RGS6: variants seen among roughly 807,000 people sequenced by gnomAD.
The protein encoded by RGS6 is regulator of G protein signaling 6.
In RGS6, 30 loss-of-function variants were observed where a neutral mutation model predicts 78.5. The ratio of observed to expected loss-of-function variants is 0.38; its 90% CI spans 0.29 to 0.52. The LOEUF is 0.52. Among genes scored for constraint, RGS6 ranks in the 20% least tolerant of loss-of-function variants. The pLI, the probability that RGS6 is intolerant of heterozygous loss-of-function variation, is 0.85. For missense variants in RGS6, 495 were observed against 609.7 expected, an observed-to-expected ratio of 0.81 and a Z score of 1.98; for synonymous variants, 206 against 206.0, an observed-to-expected ratio of 1.00 and a Z score of 0.00.
chr14:72,160,405 G>A (rs370790200), intron 2 of RGS6, among the ~76,000 whole-genome samples: 200 of 152,278 alleles, frequency 1.3e-3, no homozygotes, highest in Admixed American at 2.2e-3. Flanking sequence ...GATCTTTGTC[G>A]TTTAATTGCG....
chr14:72,204,518 A>G (rs980020397), intron 2 of RGS6, among the ~76,000 whole-genome samples: 11 of 152,192 alleles, frequency 7.2e-5, no homozygotes, highest in African/African-American at 2.4e-4. Context: ...ACAAAATACC[A>G]TAAACTGGGT....
chr14:71,914,082 G>C, the RGS6 span, among the ~76,000 whole-genome samples: 1 of 152,146 alleles, frequency 6.6e-6, no homozygotes, highest in East Asian at 1.9e-4. Flanking sequence ...GGCAGGCTTT[G>C]GGCATTACAT....
chr14:72,272,675 A>G lies in RGS6; in HGVS notation c.85-79420A>G, dbSNP rs545414258. On this transcript the variant is annotated intron_variant, in intron 2 of 17. Transcript: ENST00000553525. The stretch of plus-strand genomic sequence containing the variant: ...GCCCAGCCCCATCATCCTGTCCTTG[A>G]TCATTGTAATGCAGTGTTCACTACC... Among the ~76,000 whole-genome samples the G allele has an allele frequency of 1.7e-4, 26 of 152,302 alleles. No individual in the cohort carries two copies. In the South Asian group the frequency reaches 5.4e-3, roughly 32 times the overall value.
At chr14:72,314,663 C>T (rs1335259258) in intron 2 of RGS6, among the ~76,000 whole-genome samples, 1 of 152,192 alleles carries the variant, frequency 6.6e-6, no homozygotes, top group Non-Finnish European at 1.5e-5. Context: ...AGAGATTTTG[C>T]CATTCTGCCA....
At chr14:72,624,220 C>T in the RGS6 span, among the ~76,000 whole-genome samples, 1 of 151,652 alleles carries the variant, frequency 6.6e-6, no homozygotes. Flanking sequence ...CTAATATTAA[C>T]ATATTATATT....
At chr14:72,547,376 C>CA in intron 17 of RGS6, 2 of 1,433,526 alleles carry the variant, frequency 1.4e-6, no homozygotes, top group Non-Finnish European at 1.9e-6. Flanking sequence ...AAGTAAGACC[C>CA]CCCCCCGACC....
rs144212011 is a variant in RGS6 at position 72,440,091 on chromosome 14, C to A, written c.185-14437C>A. Among the ~76,000 whole-genome samples the A allele has an allele frequency of 5.8e-3, 877 of 152,328 alleles. 3 individuals are homozygous for A. The highest frequency in any genetic ancestry group is 0.017 in the Middle Eastern group (5 of 294). On this transcript the variant is annotated intron_variant, in intron 3 of 17. Transcript: ENST00000553525. ...GTGATGCTGCTTTCTACAAATGTGT[C>A]TATTTGTGGTGACAGCACTTGCGCT...
At chr14:72,198,040 T>G (rs1469191847) in intron 2 of RGS6, among the ~76,000 whole-genome samples, 1 of 152,200 alleles carries the variant, frequency 6.6e-6, no homozygotes, top group Non-Finnish European at 1.5e-5. Flanking sequence ...TCCATAAGAA[T>G]AAGTACTTGT....
downstream of RGS6, among the ~76,000 whole-genome samples, chr14:72,571,284 T>C (rs917668728): frequency 1.3e-5 from 2 of 152,248 alleles, no homozygotes; most frequent in African/African-American, 2.4e-5. Flanking sequence ...ACTCCTGGTC[T>C]TATGCTTACC....
At chr14:72,078,487 C>T (rs1292181219) in intron 2 of RGS6, among the ~76,000 whole-genome samples, 1 of 152,074 alleles carries the variant, frequency 6.6e-6, no homozygotes. Context: ...CATCTCAGCT[C>T]ACTGCAACCT....
chr14:72,152,324 A>G (rs2096706699), intron 2 of RGS6, among the ~76,000 whole-genome samples: 1 of 152,002 alleles, frequency 6.6e-6, no homozygotes, highest in East Asian at 1.9e-4. Flanking sequence ...TAGAAGTTAT[A>G]AGGAGATAAA....
chr14:71,987,334 G>A (rs145162548), intron 2 of RGS6, among the ~76,000 whole-genome samples: 14 of 152,166 alleles, frequency 9.2e-5, no homozygotes, highest in African/African-American at 3.4e-4. Flanking sequence ...CTGGCAGTGA[G>A]GATGGGAGGG....
intron 2 of RGS6, among the ~76,000 whole-genome samples, chr14:72,016,704 C>G (rs1339343273): frequency 6.6e-6 from 1 of 152,136 alleles, no homozygotes; most frequent in Non-Finnish European, 1.5e-5. Flanking sequence ...CTGGCTCTAC[C>G]CTATTTTAAT....
intron 2 of RGS6, among the ~76,000 whole-genome samples, chr14:72,305,102 C>A (rs1345147398): frequency 6.6e-6 from 1 of 152,162 alleles, no homozygotes; most frequent in Non-Finnish European, 1.5e-5. Context: ...AGTGTCTTTT[C>A]ATATGCTTAC....
chr14:71,906,791 G>GCATATGCTGAAAAGCATAATAATTTTTA, the RGS6 span, among the ~76,000 whole-genome samples: 1 of 151,868 alleles, frequency 6.6e-6, no homozygotes. Context: ...GGTCAGATCA[G>GCATATGCTGAAAAGCATAATAATTTTTA]TTTATGCTGA....
At chr14:72,504,503 T>C (rs947531756) in intron 13 of RGS6, among the ~76,000 whole-genome samples, 2 of 152,220 alleles carry the variant, frequency 1.3e-5, no homozygotes, top group African/African-American at 4.8e-5. Flanking sequence ...TCAACTTTTC[T>C]CCAGTTTCTG....
intron 2 of RGS6, among the ~76,000 whole-genome samples, chr14:72,277,449 G>C (rs752365126): frequency 2.6e-5 from 4 of 151,862 alleles, no homozygotes; most frequent in Non-Finnish European, 5.9e-5. Context: ...TACAAAAAAT[G>C]AGCTGGGAGT....
intron 2 of RGS6, among the ~76,000 whole-genome samples, chr14:72,152,394 C>A (rs2096707700): frequency 6.6e-6 from 1 of 152,044 alleles, no homozygotes; most frequent in Non-Finnish European, 1.5e-5. Context: ...CATCAGTTTG[C>A]TCCAGAGGGT....
intron 2 of RGS6, among the ~76,000 whole-genome samples, chr14:72,124,678 G>T (rs1423147682): frequency 6.6e-6 from 1 of 152,174 alleles, no homozygotes; most frequent in East Asian, 1.9e-4. Flanking sequence ...TATAGCTATA[G>T]AAATCAAAGG....
Sources: allele counts gnomAD v4.1 joint callset (sites outside exome capture counted in the v4.1 genomes callset), GRCh38; gene constraint gnomAD v4.1.1; transcripts MANE v1.5; gene names NCBI Gene and HGNC (gene_info 2026-07-23, HGNC 2026-07-21).